TNFRSF11B: variants seen among roughly 807,000 people sequenced by gnomAD.
The protein encoded by TNFRSF11B is TNF receptor superfamily member 11b.
In TNFRSF11B, 16 loss-of-function variants were observed where a neutral mutation model predicts 43.4. That is an observed-to-expected ratio of 0.37 (90% CI 0.25 to 0.56). The LOEUF (loss-of-function observed/expected upper bound fraction) is 0.56. TNFRSF11B is among the 20% of genes least tolerant of loss of function. The pLI, the probability that TNFRSF11B is intolerant of heterozygous loss-of-function variation, is 0.80. For missense variants in TNFRSF11B, 444 were observed against 490.1 expected (o/e 0.91, Z 0.89); for synonymous variants, 185 against 181.8 (o/e 1.02, Z -0.14).
At chr8:118,949,334 TC>T (rs1812608509) in intron 1 of TNFRSF11B, among the ~76,000 whole-genome samples, 1 of 152,128 alleles carries the variant, frequency 6.6e-6, no homozygotes, top group Admixed American at 6.5e-5. Context: ...TGGCCATCTC[TC>T]CCTCCTCTGA....
Position 118,924,156 on chromosome 8 carries a change from A to T in TNFRSF11B, c.*218T>A. The T allele has an allele frequency of 5.6e-6, 3 of 540,332 alleles. No homozygotes were observed. The highest frequency in any genetic ancestry group is 6.6e-6 in the Non-Finnish European group (2 of 302,380). 33.5% of individuals were successfully genotyped at this position (540,332 alleles called of 1,614,324 possible). On this transcript the variant is annotated 3_prime_UTR_variant, in exon 5 of 5. Coordinates refer to ENST00000297350, the MANE Select transcript of TNFRSF11B (RefSeq NM_002546.4). Reference sequence around the variant, plus strand: ...TAATAAGGGAAAATATAGTCAGTAGATAACGATCCAGATCTGACAGTTGGA... The same window carrying T: ...TAATAAGGGAAAATATAGTCAGTAGTTAACGATCCAGATCTGACAGTTGGA...
chr8:118,945,154 A>C (rs1159018615), intron 1 of TNFRSF11B, among the ~76,000 whole-genome samples: 1 of 152,154 alleles, frequency 6.6e-6, no homozygotes, highest in African/African-American at 2.4e-5. Context: ...TACATGAACC[A>C]ATGGGGCAGA....
chr8:118,927,492 A>G (rs2129883898), intron 3 of TNFRSF11B, among the ~76,000 whole-genome samples: 1 of 152,238 alleles, frequency 6.6e-6, no homozygotes, highest in Non-Finnish European at 1.5e-5. Flanking sequence ...TAAAATTAAA[A>G]ATGAATTAAT....
At position 118,951,854 on chromosome 8, in the gene TNFRSF11B, C is replaced by G. The variant is rs1812653208; in HGVS notation, c.-33G>C. ...CCCGGAAACCTCAGGGGCTTGGAGG[C>G]GGCGGCTGGGCGAGCGCTCCGGTGC... is the stretch of plus-strand genomic sequence containing the variant. On this transcript the variant is annotated 5_prime_UTR_variant, in exon 1 of 5. Transcript: ENST00000297350. 2 of 1,572,870 alleles carry G rather than the reference C, an allele frequency of 1.3e-6. No homozygotes were observed. The highest frequency in any genetic ancestry group is 2.7e-5 in the African/African-American group (2 of 73,896).
At chr8:118,942,402 T>C (rs1038380704) in intron 1 of TNFRSF11B, among the ~76,000 whole-genome samples, 1 of 152,048 alleles carries the variant, frequency 6.6e-6, no homozygotes, top group African/African-American at 2.4e-5. Context: ...CCAATCAATA[T>C]ATGACAATGG....
At chr8:118,946,096 G>A (rs1012039820) in intron 1 of TNFRSF11B, among the ~76,000 whole-genome samples, 1 of 152,010 alleles carries the variant, frequency 6.6e-6, no homozygotes, top group African/African-American at 2.4e-5. Flanking sequence ...TTTTGGAAGG[G>A]CTTTAGGAAT....
At chr8:118,939,905 T>C (rs534047748) in intron 1 of TNFRSF11B, among the ~76,000 whole-genome samples, 1 of 152,202 alleles carries the variant, frequency 6.6e-6, no homozygotes, top group Middle Eastern at 3.4e-3. Flanking sequence ...TTTGGTGAGC[T>C]AGGATGAAAA....
chr8:118,924,432 T>C lies in TNFRSF11B; in HGVS notation c.1148A>G (p.Lys383Arg). Residue 383 changes from lysine (K) to arginine (R), a missense_variant, in exon 5 of 5, where the codon AAG (lysine) becomes AGG (arginine). Lys to Arg is a conservative substitution (Grantham distance 26). Transcript: ENST00000297350. ...GTTACCTATCATTTCTAAAAATAACTTCTGATACAATTTGTACATTGTGAA... is the reference window on the plus strand; with the variant it reads ...GTTACCTATCATTTCTAAAAATAACCTCTGATACAATTTGTACATTGTGAA... Reference protein sequence around the residue: ...HSFTMYKLYQKLFLEMIGNQV... With the variant: ...HSFTMYKLYQRLFLEMIGNQV... 1 of 1,614,204 alleles carries C rather than the reference T, an allele frequency of 6.2e-7. No individual in the cohort carries two copies. Among genetic ancestry groups the C allele is most frequent in the Non-Finnish European group, 8.5e-7 (1 of 1,180,012 alleles).
At chr8:118,945,906 A>C (rs976228067) in intron 1 of TNFRSF11B, among the ~76,000 whole-genome samples, 18 of 152,120 alleles carry the variant, frequency 1.2e-4, no homozygotes, top group Non-Finnish European at 2.4e-4. Flanking sequence ...TATTATAGAA[A>C]AGGTCCAGTC....
chr8:118,931,047 G>A (rs1022720102), intron 2 of TNFRSF11B, among the ~76,000 whole-genome samples: 4 of 152,116 alleles, frequency 2.6e-5, no homozygotes, highest in Non-Finnish European at 5.9e-5. Context: ...TTATAATGAT[G>A]GAGAAATTTG....
At chr8:118,935,457 T>C (rs1402620268) in intron 1 of TNFRSF11B, among the ~76,000 whole-genome samples, 1 of 152,166 alleles carries the variant, frequency 6.6e-6, no homozygotes, top group Non-Finnish European at 1.5e-5. Context: ...AGTGAAGAAA[T>C]AATTACAGCA....
intron 1 of TNFRSF11B, among the ~76,000 whole-genome samples, chr8:118,935,871 G>C (rs11573889): frequency 7.6e-4 from 116 of 152,194 alleles, no homozygotes; most frequent in Admixed American, 5.8e-3. Flanking sequence ...TAGGAGTCCT[G>C]AAGTTTTCCC....
chr8:118,946,402 C>G (rs1456044657), intron 1 of TNFRSF11B, among the ~76,000 whole-genome samples: 1 of 152,086 alleles, frequency 6.6e-6, no homozygotes, highest in Non-Finnish European at 1.5e-5. Context: ...ACTTTCTCTG[C>G]TAGTTACCCC....
At chr8:118,938,190 C>T (rs1812429625) in intron 1 of TNFRSF11B, among the ~76,000 whole-genome samples, 1 of 151,912 alleles carries the variant, frequency 6.6e-6, no homozygotes, top group Non-Finnish European at 1.5e-5. Context: ...CTATGTTGCC[C>T]AGGCTGGTCT....
intron 4 of TNFRSF11B, 107 bp downstream of exon 4, chr8:118,926,387 G>T: frequency 1.9e-6 from 2 of 1,076,312 alleles, no homozygotes; most frequent in South Asian, 1.4e-5. Flanking sequence ...GATTCCAACA[G>T]GGAAACAAGA....
Position 118,933,303 on chromosome 8 carries a change from A to G in TNFRSF11B, c.31-3T>C, listed in dbSNP as rs1397107444. The G allele has an allele frequency of 6.2e-7, 1 of 1,613,210 alleles. No individual in the cohort carries two copies. Among genetic ancestry groups the G allele is most frequent in the Non-Finnish European group, 8.5e-7 (1 of 1,180,014 alleles). ...CACTTAATGGAGATGTCCAGAAACTAGAAGGAGAAAGGAACACAGTGGCAT... is the reference window on the plus strand; with the variant it reads ...CACTTAATGGAGATGTCCAGAAACTGGAAGGAGAAAGGAACACAGTGGCAT... On this transcript the variant is annotated splice_polypyrimidine_tract_variant and splice_region_variant and intron_variant, in intron 1 of 4. Coordinates refer to ENST00000297350, the MANE Select transcript of TNFRSF11B (RefSeq NM_002546.4).
chr8:118,926,419 G>T, intron 4 of TNFRSF11B, 75 bp downstream of exon 4: 2 of 1,294,662 alleles, frequency 1.5e-6, no homozygotes, highest in Non-Finnish European at 1.1e-6. Flanking sequence ...AAACATACAT[G>T]CAGTCTTGTT....
intron 4 of TNFRSF11B, among the ~76,000 whole-genome samples, chr8:118,926,137 C>A (rs1248395826): frequency 1.3e-5 from 2 of 152,026 alleles, no homozygotes; most frequent in African/African-American, 4.8e-5. Context: ...ATGTAAGATA[C>A]AAAGTGGTTA....
chr8:118,927,817 G>T (rs1445085503), intron 3 of TNFRSF11B, among the ~76,000 whole-genome samples: 2 of 152,028 alleles, frequency 1.3e-5, no homozygotes, highest in Non-Finnish European at 2.9e-5. Context: ...TTAGTCTAGT[G>T]GTGGGAGTGA....
Sources: allele counts gnomAD v4.1 joint callset (sites outside exome capture counted in the v4.1 genomes callset), GRCh38; gene constraint gnomAD v4.1.1; transcripts MANE v1.5; gene names NCBI Gene and HGNC (gene_info 2026-07-23, HGNC 2026-07-21).